CSRNP3: variants seen among roughly 807,000 people sequenced by gnomAD.
The protein encoded by CSRNP3 is cysteine/serine-rich nuclear protein 3.
A neutral mutation model predicts 48.0 loss-of-function variants in CSRNP3; 12 were observed. The observed-to-expected ratio is 0.25, with a 90% CI of 0.16 to 0.41. The LOEUF is 0.41. Ranked by LOEUF, CSRNP3 falls within the 10% of genes least tolerant of loss-of-function variation. The pLI is 1.00. For missense variants in CSRNP3, 580 were observed against 724.4 expected, an observed-to-expected ratio of 0.80 and a Z score of 2.29; for synonymous variants, 263 against 269.7, an observed-to-expected ratio of 0.98 and a Z score of 0.24.
chr2:165,520,773 TATATATATATTATATATATATATATA>T (rs1684642846), intron 3 of CSRNP3, among the ~76,000 whole-genome samples: 120 of 58,488 alleles, frequency 2.1e-3, no homozygotes, highest in South Asian at 0.015. Flanking sequence ...AAATATATTA[TATATATATATTATATATATATATATA>T]TATATATATA....
At chr2:165,590,597 C>A (rs114965854) in intron 3 of CSRNP3, among the ~76,000 whole-genome samples, 1,943 of 152,166 alleles carry the variant, frequency 0.013, 22 homozygotes, top group Non-Finnish European at 0.02. Context: ...TGGGATGGAC[C>A]CGGTGGGAGG....
At chr2:165,476,749 G>C (rs1403054549) in intron 1 of CSRNP3, among the ~76,000 whole-genome samples, 4 of 152,206 alleles carry the variant, frequency 2.6e-5, no homozygotes, top group African/African-American at 4.8e-5. Flanking sequence ...TAAACTATCT[G>C]AGCCTTAGTT....
chr2:165,581,110 G>A, intron 3 of CSRNP3, among the ~76,000 whole-genome samples: 1 of 152,166 alleles, frequency 6.6e-6, no homozygotes, highest in South Asian at 2.1e-4. Context: ...CATCTTAAAA[G>A]TTAACCTTAG....
At chr2:165,479,350 G>T (rs1684009985) in intron 1 of CSRNP3, among the ~76,000 whole-genome samples, 6 of 152,150 alleles carry the variant, frequency 3.9e-5, no homozygotes, top group Admixed American at 1.3e-4. Flanking sequence ...AGTCCGTGAT[G>T]ATAAAATTAT....
At chr2:165,527,205 T>C (rs1321163315) in intron 3 of CSRNP3, among the ~76,000 whole-genome samples, 1 of 141,538 alleles carries the variant, frequency 7.1e-6, no homozygotes, top group Non-Finnish European at 1.5e-5. Flanking sequence ...TGTACTTTTT[T>C]TTTTTTTTTT....
At position 165,688,664 on chromosome 2, in the gene CSRNP3, T is replaced by C. The variant is rs546947284; in HGVS notation, c.*8911T>C. On this transcript the variant is annotated 3_prime_UTR_variant, in exon 7 of 7. Transcript: ENST00000651982. ...GAATCTAGTGAGCTGAATGTATTGG[T>C]AGATCAAATGATCCAAAGGACTTGG... 6.6e-6 allele frequency: 1 copy of C among 152,242 alleles called. No individual in the cohort carries two copies. The highest frequency in any genetic ancestry group is 2.4e-5 in the African/African-American group (1 of 41,556). 9.4% of individuals were successfully genotyped at this position (152,242 alleles called of 1,614,324 possible). A position where few individuals can be genotyped will look rare whatever the true frequency, so the allele number is the denominator to read the frequency against.
chr2:165,606,423 A>G (rs1686014476), intron 4 of CSRNP3, among the ~76,000 whole-genome samples: 1 of 151,858 alleles, frequency 6.6e-6, no homozygotes, highest in Non-Finnish European at 1.5e-5. Flanking sequence ...CACAGAAAAA[A>G]GGCTAACACA....
At chr2:165,615,402 G>T (rs1319216408) in intron 4 of CSRNP3, among the ~76,000 whole-genome samples, 1 of 151,960 alleles carries the variant, frequency 6.6e-6, no homozygotes, top group Admixed American at 6.6e-5. Context: ...AATTAGCCGG[G>T]TGTGGTGGCG....
chr2:165,508,803 T>G (rs575812250), intron 2 of CSRNP3, among the ~76,000 whole-genome samples: 1 of 152,324 alleles, frequency 6.6e-6, no homozygotes, highest in Admixed American at 6.5e-5. Context: ...GTTTAATAAT[T>G]TCATAATATT....
chr2:165,566,749 G>A (rs751508512), intron 3 of CSRNP3: 3 of 151,602 alleles, frequency 2.0e-5, no homozygotes, highest in African/African-American at 4.8e-5. Flanking sequence ...ATGCTGTAAC[G>A]TCTCTTTATA....
At position 165,687,465 on chromosome 2, in the gene CSRNP3, CA is replaced by C. The variant is rs1466051754; in HGVS notation, c.*7717del. The C allele has an allele frequency of 6.6e-6, 1 of 152,052 alleles. No homozygotes were observed. The highest frequency in any genetic ancestry group is 1.9e-4 in the East Asian group (1 of 5,186). 9.4% of individuals were successfully genotyped at this position (152,052 alleles called of 1,614,324 possible). On this transcript the variant is annotated 3_prime_UTR_variant, in exon 7 of 7. Transcript: ENST00000651982. ...TCCATTTTCTAAGAAGTTACAATTACAAAAAGTAAGCATTTTCTACATTCTT... is the reference window on the plus strand; with the variant it reads ...TCCATTTTCTAAGAAGTTACAATTACAAAAGTAAGCATTTTCTACATTCTT...
Position 165,681,378 on chromosome 2 carries a change from A to G in CSRNP3, c.*1625A>G, listed in dbSNP as rs972364552. ...TTATGTCTTTTAGACTTGGGTGTTT[A>G]GAATTATGGATATAAATATATTGTA... On this transcript the variant is annotated 3_prime_UTR_variant, in exon 7 of 7. Coordinates refer to ENST00000651982, the MANE Select transcript of CSRNP3 (RefSeq NM_001172173.2). The G allele has an allele frequency of 6.6e-6, 1 of 152,050 alleles. No individual in the cohort carries two copies. The highest frequency in any genetic ancestry group is 2.4e-5 in the African/African-American group (1 of 41,396). 9.4% of individuals were successfully genotyped at this position (152,050 alleles called of 1,614,324 possible).
intron 3 of CSRNP3, among the ~76,000 whole-genome samples, chr2:165,553,958 T>C (rs1244833992): frequency 1.3e-5 from 2 of 152,214 alleles, no homozygotes; most frequent in African/African-American, 2.4e-5. Flanking sequence ...TTAGCAAAAC[T>C]CCTTCAAAGA....
At chr2:165,494,507 A>G (rs908680856) in intron 1 of CSRNP3, among the ~76,000 whole-genome samples, 26 of 152,112 alleles carry the variant, frequency 1.7e-4, no homozygotes, top group Non-Finnish European at 2.5e-4. Flanking sequence ...ATATCTCCTT[A>G]TGCAGCAAAT....
chr2:165,634,129 A>G (rs769804197), intron 4 of CSRNP3, among the ~76,000 whole-genome samples: 5 of 152,176 alleles, frequency 3.3e-5, no homozygotes, highest in South Asian at 2.1e-4. Flanking sequence ...TCTTGAGCCC[A>G]GGAGTTCGAG....
intron 3 of CSRNP3, among the ~76,000 whole-genome samples, chr2:165,518,895 A>T (rs1237581675): frequency 6.6e-6 from 1 of 152,066 alleles, no homozygotes. Flanking sequence ...TGTTCTCAAA[A>T]ATTTCCCAAA....
chr2:165,630,245 T>C (rs1484919390), intron 4 of CSRNP3, among the ~76,000 whole-genome samples: 1 of 152,134 alleles, frequency 6.6e-6, no homozygotes, highest in Non-Finnish European at 1.5e-5. Context: ...ATCCTAAAAG[T>C]GTGTATGTGT....
intron 5 of CSRNP3, among the ~76,000 whole-genome samples, chr2:165,666,893 G>A (rs1687226046): frequency 8.5e-6 from 1 of 117,832 alleles, no homozygotes; most frequent in Admixed American, 9.0e-5. Flanking sequence ...GAAGGAAAGA[G>A]AGAGAAAAAG....
At chr2:165,614,594 A>G (rs1468763524) in intron 4 of CSRNP3, among the ~76,000 whole-genome samples, 2 of 152,090 alleles carry the variant, frequency 1.3e-5, no homozygotes, top group South Asian at 2.1e-4. Context: ...GTGTTGATCT[A>G]TGTTCCTTCT....
Sources: allele counts gnomAD v4.1 joint callset (sites outside exome capture counted in the v4.1 genomes callset), GRCh38; gene constraint gnomAD v4.1.1; transcripts MANE v1.5; gene names NCBI Gene and HGNC (gene_info 2026-07-23, HGNC 2026-07-21).